The following ZFPM1 variants were observed in gnomAD, a reference collection of about 807,000 sequenced individuals.
The protein encoded by ZFPM1 is zinc finger protein ZFPM1.
ZFPM1 carries 28 observed loss-of-function variants against 46.3 expected under a neutral mutation model. The ratio of observed to expected loss-of-function variants is 0.60; its 90% confidence interval spans 0.45 to 0.83. The LOEUF is 0.83. Ranked by LOEUF, ZFPM1 falls within the 40% of genes least tolerant of loss-of-function variation. The pLI, the probability that ZFPM1 is intolerant of heterozygous loss-of-function variation, is 0.00. For missense variants in ZFPM1, 1,878 were observed against 1,432.4 expected (o/e 1.31, Z -5.02); for synonymous variants, 957 against 675.9 (o/e 1.42, Z -6.45).
chr16:88,535,026 C>G lies in ZFPM1; in HGVS notation c.*47C>G. On this transcript the variant is annotated 3_prime_UTR_variant, in exon 10 of 10. Transcript: ENST00000319555. ...ACGCTTTGCACGCCCCGCTGCGATG[C>G]GGGGAGGGGGCCGCCCCCAGGCCGC... 1.0e-5 allele frequency: 14 copies of G among 1,353,482 alleles called. No homozygotes were observed. Among genetic ancestry groups the G allele is most frequent in the Non-Finnish European group, 1.3e-5 (14 of 1,044,600 alleles). The allele number at this position is 1,353,482 out of a possible 1,614,324, so 83.8% of individuals were successfully genotyped here. A position where few individuals can be genotyped will look rare whatever the true frequency, so the allele number is the denominator to read the frequency against.
chr16:88,483,049 G>T (rs1909028587), intron 1 of ZFPM1, among the ~76,000 whole-genome samples: 1 of 152,166 alleles, frequency 6.6e-6, no homozygotes, highest in Non-Finnish European at 1.5e-5. Context: ...GGCCCAGCCT[G>T]CCCTGGAGCC....
intron 1 of ZFPM1, among the ~76,000 whole-genome samples, chr16:88,479,802 C>T (rs1908848778): frequency 6.8e-6 from 1 of 147,432 alleles, no homozygotes; most frequent in East Asian, 2.0e-4. Context: ...TCTCCCCATC[C>T]CATCCTCTGC....
At chr16:88,463,544 G>A (rs900380884) in intron 1 of ZFPM1, among the ~76,000 whole-genome samples, 15 of 152,276 alleles carry the variant, frequency 9.9e-5, no homozygotes, top group African/African-American at 2.9e-4. Flanking sequence ...TTTGATAGAC[G>A]TGGCCTCACG....
At chr16:88,531,472 C>T (rs910927880) in intron 6 of ZFPM1, among the ~76,000 whole-genome samples, 1 of 152,190 alleles carries the variant, frequency 6.6e-6, no homozygotes, top group Non-Finnish European at 1.5e-5. Flanking sequence ...GGCTTCCTAA[C>T]TTGTGCACTC....
intron 4 of ZFPM1, among the ~76,000 whole-genome samples, chr16:88,524,954 G>A (rs1453003465): frequency 6.6e-6 from 1 of 152,226 alleles, no homozygotes; most frequent in Non-Finnish European, 1.5e-5. Flanking sequence ...CCACCCCACT[G>A]GCCAGCTTAG....
chr16:88,483,043 CAGCCTGCCCTGG>C (rs1421874314), intron 1 of ZFPM1, among the ~76,000 whole-genome samples: 4 of 152,156 alleles, frequency 2.6e-5, no homozygotes, highest in African/African-American at 7.2e-5. Context: ...AGGGGTGGCC[CAGCCTGCCCTGG>C]AGCCTGCCCG....
chr16:88,490,810 C>T (rs1396362011), intron 3 of ZFPM1, among the ~76,000 whole-genome samples: 3 of 152,202 alleles, frequency 2.0e-5, no homozygotes, highest in African/African-American at 4.8e-5. Context: ...CCGGTCCTCA[C>T]GGGCTCCCCC....
intron 4 of ZFPM1, among the ~76,000 whole-genome samples, chr16:88,521,222 G>C (rs1167592878): frequency 4.0e-5 from 6 of 151,178 alleles, no homozygotes; most frequent in African/African-American, 1.5e-4. Context: ...GCCACTCCAT[G>C]CTGTTTCCCC....
chr16:88,461,236 G>C (rs1907868312), intron 1 of ZFPM1, among the ~76,000 whole-genome samples: 3 of 65,494 alleles, frequency 4.6e-5, no homozygotes, highest in Non-Finnish European at 8.6e-5. Flanking sequence ...TGAGGACCCA[G>C]GGGTGGGGCG....
At chr16:88,533,051 T>TTGCCCC in intron 9 of ZFPM1, 97 bp from the exon 10 acceptor site, 9 of 1,351,590 alleles carry the variant, frequency 6.7e-6, no homozygotes, top group Non-Finnish European at 9.0e-6. Context: ...TCTAAACCAC[T>TTGCCCC]CCCGCCCACC....
In ZFPM1 at chr16:88,489,055, C is replaced by T. The variant is rs146676651; in HGVS notation, c.170C>T (p.Pro57Leu). ...GATGTTAACTCACCCCCACCGCTGC[C>T]GCCCCCCACATCCCCAGGAGGCCCC... ...SADVNSPPPLPPPTSPGGPKE... is the reference protein window; with the variant it reads ...SADVNSPPPLLPPTSPGGPKE... The change falls in exon 3 of 10, where the codon CCG becomes CTG. Residue 57 changes from proline to leucine, a missense_variant. Transcript: ENST00000319555. 1.3e-4 allele frequency: 216 copies of T among 1,612,912 alleles called. No individual in the cohort carries two copies. Among genetic ancestry groups the T allele is most frequent in the Non-Finnish European group, 1.7e-4 (206 of 1,179,712 alleles).
At position 88,488,726 on chromosome 16, in the gene ZFPM1, C is replaced by T. The variant is rs544329849; in HGVS notation, c.146-305C>T. On this transcript the variant is annotated intron_variant, in intron 2 of 9. Coordinates refer to ENST00000319555, the MANE Select transcript of ZFPM1 (RefSeq NM_153813.3). Reference sequence around the variant, plus strand: ...CCAGCAGAGGGGACCAGGGAGCTGGCGACGGCGCATGTGCCTGCTGGCCGG... The same window carrying T: ...CCAGCAGAGGGGACCAGGGAGCTGGTGACGGCGCATGTGCCTGCTGGCCGG... Among the ~76,000 whole-genome samples, 14 of 152,270 alleles carry T rather than the reference C, an allele frequency of 9.2e-5. No individual in the cohort carries two copies. The East Asian group carries it at 9.7e-4, about 11-fold the overall frequency.
intron 5 of ZFPM1, among the ~76,000 whole-genome samples, chr16:88,527,425 G>A (rs554750650): frequency 1.9e-4 from 29 of 152,298 alleles, no homozygotes; most frequent in South Asian, 1.0e-3. Context: ...CCGAGCACCC[G>A]GGGATGAAGC....
intron 3 of ZFPM1, 138 bp downstream of exon 3, chr16:88,489,291 C>G: frequency 7.5e-7 from 1 of 1,326,802 alleles, no homozygotes. Flanking sequence ...GTGCCTAGTC[C>G]AAAGCTCAGC....
chr16:88,510,816 T>G (rs1048765163), intron 3 of ZFPM1, among the ~76,000 whole-genome samples: 1 of 152,178 alleles, frequency 6.6e-6, no homozygotes, highest in South Asian at 2.1e-4. Context: ...CTTGGGCCAG[T>G]TGCTTAACCT....
In ZFPM1 at chr16:88,517,154, A is replaced by C. The variant is rs943112035; in HGVS notation, c.402+2634A>C. Among the ~76,000 whole-genome samples, 7 of 141,394 alleles carry C rather than the reference A, an allele frequency of 5.0e-5. No individual in the cohort carries two copies. In the Admixed American group the frequency reaches 5.2e-4, roughly 10 times the overall value. 92.8% of individuals were successfully genotyped at this position (141,394 alleles called of 152,430 possible). A position where few individuals can be genotyped will look rare whatever the true frequency, so the allele number is the denominator to read the frequency against. On this transcript the variant is annotated intron_variant, in intron 4 of 9. Transcript: ENST00000319555. ...GATACAGAAGAAACACTCGTGGTGG[A>C]TGGGTAGGTGGACGGATGGATGGGT...
At chr16:88,530,263 C>G (rs1009661340) in intron 6 of ZFPM1, among the ~76,000 whole-genome samples, 1 of 152,148 alleles carries the variant, frequency 6.6e-6, no homozygotes, top group Non-Finnish European at 1.5e-5. Flanking sequence ...GGGTCCTTGC[C>G]CACACAGCCT....
In ZFPM1 at chr16:88,534,102, G is replaced by A. The variant is rs780977564; in HGVS notation, c.2144G>A (p.Arg715His). Residue 715 changes from arginine to histidine, a missense_variant, in exon 10 of 10, where the codon CGC (arginine) becomes CAC (histidine). By Grantham distance (29) the Arg-to-His change is conservative. Coordinates refer to ENST00000319555, the MANE Select transcript of ZFPM1 (RefSeq NM_153813.3). ...YCASRHDPPP[R>H]RPAAPPGPPG... ...GCCTCGCGCCACGACCCGCCGCCGC[G>A]CCGACCGGCCGCGCCCCCGGGACCC... The A allele has an allele frequency of 5.2e-6, 6 of 1,164,360 alleles. No homozygotes were observed. Among genetic ancestry groups the A allele is most frequent in the Admixed American group, 3.3e-5 (1 of 30,488 alleles). 72.1% of individuals were successfully genotyped at this position (1,164,360 alleles called of 1,614,324 possible).
rs576451092 is a variant in ZFPM1, at chr16:88,501,779, G to A, written c.269-12608G>A. Among the ~76,000 whole-genome samples, 17 of 151,334 alleles carry A rather than the reference G, an allele frequency of 1.1e-4. No homozygotes were observed. The East Asian group carries it at 1.2e-3, about 10-fold the overall frequency. On this transcript the variant is annotated intron_variant, in intron 3 of 9. Transcript: ENST00000319555. ...TGGTGCTGATGATAATGGAGATAGC[G>A]GGCATGGGTGCAGGGCCCTGCCGCT...
Sources: allele counts gnomAD v4.1 joint callset (sites outside exome capture counted in the v4.1 genomes callset), GRCh38; gene constraint gnomAD v4.1.1; transcripts MANE v1.5; gene names NCBI Gene and HGNC (gene_info 2026-07-23, HGNC 2026-07-21).